CFAP43: variants seen among roughly 807,000 people sequenced by gnomAD.
CFAP43 encodes the protein cilia- and flagella-associated protein 43.
CFAP43 carries 155 observed loss-of-function variants against 218.9 expected under a neutral mutation model. The observed-to-expected ratio is 0.71, with a 90% CI of 0.62 to 0.81. The LOEUF (loss-of-function observed/expected upper bound fraction) is 0.81. Ranked by LOEUF, CFAP43 falls within the 30% of genes least tolerant of loss-of-function variation. The pLI is 0.00. For synonymous variants in CFAP43, 645 were observed against 681.3 expected (o/e 0.95, Z 0.83); for missense variants, 1,778 against 1,954.3 (o/e 0.91, Z 1.70).
intron 21 of CFAP43, 74 bp from the exon 22 acceptor site, chr10:104,167,811 A>G: frequency 2.8e-6 from 3 of 1,083,634 alleles, no homozygotes; most frequent in South Asian, 1.6e-5. Flanking sequence ...TGAGTAGGGG[A>G]TGTTTTCTGT....
chr10:104,132,107 G>A lies in CFAP43; in HGVS notation c.4677+9C>T, dbSNP rs752493012. 1 of 1,581,782 alleles carries A rather than the reference G, an allele frequency of 6.3e-7. No individual in the cohort carries two copies. The highest frequency in any genetic ancestry group is 1.2e-5 in the South Asian group (1 of 84,572). On this transcript the variant is annotated intron_variant, in intron 36 of 37. Transcript: ENST00000357060. ...TTAGGATATAATAACCAACGTCTTT[G>A]AGACTTACCTTATCTAAAACAGCAA...
Position 104,203,749 on chromosome 10 carries a change from A to T in CFAP43, c.1018T>A (p.Phe340Ile). 1 of 1,611,294 alleles carries T rather than the reference A, an allele frequency of 6.2e-7. No individual in the cohort carries two copies. The highest frequency in any genetic ancestry group is 1.3e-5 in the African/African-American group (1 of 75,004). Residue 340 changes from phenylalanine to isoleucine, a missense_variant, in exon 8 of 38, where the codon TTT becomes ATT. This residue lies in a region of CFAP43 where 1,553 missense variants were observed against 1,685.2 expected (regional missense o/e 0.92). Coordinates refer to ENST00000357060, the MANE Select transcript of CFAP43 (RefSeq NM_025145.7). ...TCTACAGGTCTTTCAATCTCAAGAA[A>T]ATCCTCGATCATGTAACTTCTATCT... ...IKDRSYMIED[F>I]LEIERPVEHM...
chr10:104,136,258 CAAAA>C (rs368792618), intron 34 of CFAP43, among the ~76,000 whole-genome samples: 7 of 86,004 alleles, frequency 8.1e-5, no homozygotes, highest in South Asian at 4.8e-4. Context: ...TTCTCCATTT[CAAAA>C]AAAAAAAAAA....
intron 27 of CFAP43, among the ~76,000 whole-genome samples, chr10:104,159,833 A>C (rs1457466924): frequency 6.6e-6 from 1 of 152,134 alleles, no homozygotes; most frequent in East Asian, 1.9e-4. Context: ...TGGAGTGCAA[A>C]ATCTCAGCGT....
intron 34 of CFAP43, among the ~76,000 whole-genome samples, chr10:104,137,756 A>G (rs1441291361): frequency 6.6e-6 from 1 of 152,162 alleles, no homozygotes; most frequent in African/African-American, 2.4e-5. Flanking sequence ...AGCTGAGATC[A>G]TGCTCCGGCA....
At chr10:104,142,203 C>T in intron 33 of CFAP43, 78 bp downstream of exon 33, 2 of 1,196,284 alleles carry the variant, frequency 1.7e-6, no homozygotes, top group South Asian at 1.4e-5. Flanking sequence ...AGTAGGCATT[C>T]TCCCCAGTGA....
At chr10:104,142,622 A>G (rs547078032) in intron 32 of CFAP43, among the ~76,000 whole-genome samples, 2 of 152,328 alleles carry the variant, frequency 1.3e-5, no homozygotes, top group African/African-American at 4.8e-5. Flanking sequence ...GGCAACTATA[A>G]ATTCTTTTAT....
chr10:104,184,920 T>G, intron 16 of CFAP43, 96 bp downstream of exon 16: 1 of 1,513,926 alleles, frequency 6.6e-7, no homozygotes, highest in East Asian at 2.3e-5. Flanking sequence ...GGCAGTGGTC[T>G]CCCAGCACGT....
At chr10:104,229,291 T>A (rs1034638991) in intron 2 of CFAP43, among the ~76,000 whole-genome samples, 5 of 152,096 alleles carry the variant, frequency 3.3e-5, no homozygotes, top group African/African-American at 1.2e-4. Flanking sequence ...GGGTGTTAAA[T>A]GAAGGAATCA....
intron 21 of CFAP43, among the ~76,000 whole-genome samples, chr10:104,168,461 C>T (rs1229567037): frequency 6.6e-6 from 1 of 152,044 alleles, no homozygotes; most frequent in Non-Finnish European, 1.5e-5. Context: ...AGTGAGCAGA[C>T]AGCTATTAAG....
At position 104,143,571 on chromosome 10, in the gene CFAP43, C is replaced by A. The variant is rs1194462964; in HGVS notation, c.4013G>T (p.Gly1338Val). Residue 1338 changes from glycine (G) to valine (V), a missense_variant, in exon 32 of 38, where the codon GGC becomes GTC. Around this residue, in one of 3 missense-constraint regions of CFAP43, gnomAD observed 1,553 missense variants for 1,685.2 expected, o/e 0.92. Coordinates refer to ENST00000357060, the MANE Select transcript of CFAP43 (RefSeq NM_025145.7). ...GGCAAAGGCATCCTTATTCAACTTG[C>A]CAGATCCTGGTAGTTCTCCGAAAGG... is the stretch of plus-strand genomic sequence containing the variant. ...VVPFGELPGS[G>V]KLNKDAFAQL... is the part of the protein sequence containing the mutation. 1.2e-6 allele frequency: 2 copies of A among 1,614,070 alleles called. No individual in the cohort carries two copies. The highest frequency in any genetic ancestry group is 3.3e-5 in the Admixed American group (2 of 60,010).
At chr10:104,183,023 G>A (rs908969188) in intron 16 of CFAP43, among the ~76,000 whole-genome samples, 1 of 152,136 alleles carries the variant, frequency 6.6e-6, no homozygotes, top group African/African-American at 2.4e-5. Context: ...TTGCACAGAA[G>A]AGCCAGTGCA....
intron 7 of CFAP43, among the ~76,000 whole-genome samples, chr10:104,205,212 CAAAAAAAAAAAAA>C (rs71022723): frequency 5.3e-5 from 3 of 56,572 alleles, no homozygotes; most frequent in Non-Finnish European, 1.0e-4. Context: ...GACTCCGTCT[CAAAAAAAAAAAAA>C]AAAAAAAAAA....
Position 104,184,308 on chromosome 10 carries a change from C to A in CFAP43, c.2141+708G>T, listed in dbSNP as rs181901008. Among the ~76,000 whole-genome samples, 228 of 152,114 alleles carry A rather than the reference C, an allele frequency of 1.5e-3. 1 individual carries two copies. Among genetic ancestry groups the A allele is most frequent in the African/African-American group, 5.2e-3 (216 of 41,492 alleles). On this transcript the variant is annotated intron_variant, in intron 16 of 37. Transcript: ENST00000357060. ...GAAACTGTCTTTGATATAATCTAAG[C>A]AAAATCTAATTAGGAAAGTGTGTGT...
chr10:104,225,539 T>C lies in CFAP43; in HGVS notation c.338A>G (p.Tyr113Cys). 2.5e-6 allele frequency: 4 copies of C among 1,612,102 alleles called. No homozygotes were observed. Among genetic ancestry groups the C allele is most frequent in the Non-Finnish European group, 3.4e-6 (4 of 1,178,910 alleles). ...TKLKGNILLD[Y>C]TLLSFSYCGT... ...ACAGTAACTGAATGAAAGTAAAGTG[T>C]AGTCCAGGAGAATGTTGCCTAAAAT... Residue 113 changes from tyrosine to cysteine, a missense_variant, in exon 3 of 38, where the codon TAC (tyrosine) becomes TGC (cysteine). By Grantham distance (194) the Tyr-to-Cys change is radical. Around this residue, in one of 3 missense-constraint regions of CFAP43, gnomAD observed 1,553 missense variants for 1,685.2 expected, o/e 0.92. Transcript: ENST00000357060.
At chr10:104,175,373 T>C (rs2089589707) in intron 19 of CFAP43, among the ~76,000 whole-genome samples, 1 of 152,146 alleles carries the variant, frequency 6.6e-6, no homozygotes, top group Non-Finnish European at 1.5e-5. Context: ...TGCAGTGAGC[T>C]ACGCTTATGC....
intron 2 of CFAP43, among the ~76,000 whole-genome samples, chr10:104,228,310 T>C (rs1449444541): frequency 6.6e-6 from 1 of 152,182 alleles, no homozygotes; most frequent in Non-Finnish European, 1.5e-5. Context: ...CCTCCTTCTC[T>C]TCCTCCTTCT....
intron 10 of CFAP43, among the ~76,000 whole-genome samples, chr10:104,195,342 G>A (rs527764507): frequency 2.6e-5 from 4 of 152,300 alleles, no homozygotes; most frequent in Admixed American, 1.3e-4. Context: ...GTTGTTAAAC[G>A]TTTCTGTGTC....
intron 20 of CFAP43, among the ~76,000 whole-genome samples, chr10:104,171,267 T>C (rs985070158): frequency 4.6e-5 from 7 of 152,264 alleles, no homozygotes; most frequent in African/African-American, 1.7e-4. Context: ...TAATAAATGT[T>C]GCAGAATGAA....
Sources: gnomAD v4.1 joint callset for allele counts (sites outside exome capture counted in the v4.1 genomes callset) on GRCh38, gnomAD v4.1.1 for gene constraint, gnomAD v4.1.1 regional missense constraint, MANE v1.5 for transcripts, NCBI Gene and HGNC (gene_info 2026-07-23, HGNC 2026-07-21) for gene names.